The following CORO2B variants were observed in gnomAD, a reference collection of about 807,000 sequenced individuals.
The protein encoded by CORO2B is coronin 2B.
A neutral mutation model predicts 58.8 loss-of-function variants in CORO2B; 26 were observed. The ratio of observed to expected loss-of-function variants is 0.44; its 90% CI spans 0.32 to 0.61. The LOEUF (loss-of-function observed/expected upper bound fraction) is 0.61, where lower values mean the gene tolerates loss of function less well. Among genes scored for constraint, CORO2B ranks in the 20% least tolerant of loss-of-function variants. The probability of loss-of-function intolerance (pLI) is 0.04; values close to 1 mark genes in which losing one functional copy is unlikely to be tolerated. For missense variants in CORO2B, 460 were observed against 645.1 expected (o/e 0.71, Z 3.11); for synonymous variants, 242 against 253.8 (o/e 0.95, Z 0.44).
chr15:68,609,552 C>T (rs987902486), intron 1 of CORO2B, among the ~76,000 whole-genome samples: 2 of 152,122 alleles, frequency 1.3e-5, no homozygotes, highest in African/African-American at 4.8e-5. Context: ...AGGGGCCTTC[C>T]CTCCCGAATC....
intron 1 of CORO2B, among the ~76,000 whole-genome samples, chr15:68,608,538 G>A (rs879420600): frequency 6.6e-6 from 1 of 152,244 alleles, no homozygotes; most frequent in Non-Finnish European, 1.5e-5. Flanking sequence ...GTGCGTGTGT[G>A]TGTGTTGGGG....
intron 8 of CORO2B, 29 bp downstream of exon 8, chr15:68,715,340 G>A: frequency 1.3e-6 from 2 of 1,515,522 alleles, no homozygotes; most frequent in Non-Finnish European, 9.2e-7. Context: ...GCCACAGCTG[G>A]TGTGCTCATG....
chr15:68,721,758 A>ATT (rs1268609572), intron 11 of CORO2B, among the ~76,000 whole-genome samples: 1 of 144,578 alleles, frequency 6.9e-6, no homozygotes, highest in Non-Finnish European at 1.6e-5. Context: ...TTATTTATTT[A>ATT]TGTTTTAGAG....
intron 1 of CORO2B, among the ~76,000 whole-genome samples, chr15:68,582,114 C>T (rs1236575859): frequency 1.3e-5 from 2 of 152,200 alleles, no homozygotes; most frequent in Non-Finnish European, 2.9e-5. Context: ...CATACATCCC[C>T]TTGCCCCCTT....
chr15:68,531,555 G>GAAAGAAAGAGAAAGAAAGA, the CORO2B span, among the ~76,000 whole-genome samples: 106 of 77,812 alleles, frequency 1.4e-3, 1 homozygote, highest in East Asian at 6.8e-3. Flanking sequence ...AAGGAAGGAA[G>GAAAGAAAGAGAAAGAAAGA]GAAAGAAAGA....
intron 8 of CORO2B, among the ~76,000 whole-genome samples, chr15:68,715,600 T>C (rs1023362564): frequency 6.6e-6 from 1 of 152,192 alleles, no homozygotes; most frequent in African/African-American, 2.4e-5. Context: ...ACAGTGGCTA[T>C]GATGATGGTG....
chr15:68,579,062 G>GCGACGAGCGGCGGGCGAGCGC lies in CORO2B; in HGVS notation c.-190_-170dup. 1.0e-6 allele frequency: 1 copy of GCGACGAGCGGCGGGCGAGCGC among 983,936 alleles called. No individual in the cohort carries two copies. 61.0% of individuals were successfully genotyped at this position (983,936 alleles called of 1,614,324 possible). A position where few individuals can be genotyped will look rare whatever the true frequency, so the allele number is the denominator to read the frequency against. On this transcript the variant is annotated 5_prime_UTR_variant, in exon 1 of 12. Coordinates refer to ENST00000261861, the MANE Select transcript of CORO2B (RefSeq NM_006091.5). ...AAATGCACATTCGGGGCTGACATCA[G>GCGACGAGCGGCGGGCGAGCGC]CGACGAGCGGCGGGCGAGCGCCGAC...
chr15:68,596,883 C>A (rs759086954), intron 1 of CORO2B, among the ~76,000 whole-genome samples: 14 of 152,174 alleles, frequency 9.2e-5, no homozygotes, highest in Non-Finnish European at 1.5e-4. Context: ...CCCAGCCACT[C>A]TGGCCTCCTG....
At chr15:68,538,883 A>G in the CORO2B span, among the ~76,000 whole-genome samples, 1 of 152,154 alleles carries the variant, frequency 6.6e-6, no homozygotes, top group African/African-American at 2.4e-5. Context: ...AGGGAAGGAG[A>G]TATGGCCAGG....
At chr15:68,632,313 T>C (rs1900862021) in intron 1 of CORO2B, 1 of 985,476 alleles carries the variant, frequency 1.0e-6, no homozygotes, top group African/African-American at 1.7e-5. Context: ...CTCTGAAGCT[T>C]GTCTGGTGTC....
chr15:68,706,413 CTCAA>C (rs1892786929), intron 3 of CORO2B, among the ~76,000 whole-genome samples: 1 of 152,006 alleles, frequency 6.6e-6, no homozygotes, highest in Non-Finnish European at 1.5e-5. Context: ...CTTAGTGCTA[CTCAA>C]GAGCAGGCAT....
intron 1 of CORO2B, among the ~76,000 whole-genome samples, chr15:68,627,494 G>A (rs1047020923): frequency 1.3e-5 from 2 of 152,186 alleles, no homozygotes; most frequent in Middle Eastern, 3.4e-3. Flanking sequence ...AGAAGAGGGC[G>A]GGCATCTCTT....
chr15:68,531,518 AGG>A, the CORO2B span, among the ~76,000 whole-genome samples: 1 of 37,024 alleles, frequency 2.7e-5, no homozygotes, highest in African/African-American at 5.7e-5. Flanking sequence ...GAAGGAAGGA[AGG>A]AAGGAAGGAA....
intron 2 of CORO2B, among the ~76,000 whole-genome samples, chr15:68,677,334 G>T (rs888242066): frequency 6.6e-6 from 1 of 152,154 alleles, no homozygotes; most frequent in Non-Finnish European, 1.5e-5. Context: ...AGGTCACCCC[G>T]CACAAAGCCC....
the CORO2B span, among the ~76,000 whole-genome samples, chr15:68,529,179 T>C: frequency 6.6e-6 from 1 of 152,190 alleles, no homozygotes; most frequent in East Asian, 1.9e-4. Context: ...TGACTCTCTG[T>C]GGGTACATTC....
At chr15:68,591,663 G>A (rs879433270) in intron 1 of CORO2B, among the ~76,000 whole-genome samples, 14 of 152,186 alleles carry the variant, frequency 9.2e-5, no homozygotes, top group Non-Finnish European at 1.6e-4. Flanking sequence ...CAGACCTCCT[G>A]AAGGTCTCTC....
the CORO2B span, among the ~76,000 whole-genome samples, chr15:68,567,741 G>T: frequency 6.6e-6 from 1 of 152,228 alleles, no homozygotes; most frequent in African/African-American, 2.4e-5. Flanking sequence ...GCTGTGAAAG[G>T]CTGGGCACGG....
chr15:68,703,916 A>G (rs951860255), intron 3 of CORO2B, among the ~76,000 whole-genome samples: 7 of 152,058 alleles, frequency 4.6e-5, no homozygotes, highest in African/African-American at 1.4e-4. Flanking sequence ...TAACTTGGCC[A>G]GGCTCGGTGG....
intron 7 of CORO2B, 118 bp from the exon 8 acceptor site, chr15:68,715,096 GT>G (rs1327057590): frequency 1.2e-5 from 11 of 914,508 alleles, no homozygotes; most frequent in East Asian, 4.8e-5. Context: ...GGTTTCCTTG[GT>G]TTTTTTAACT....
Sources: allele counts gnomAD v4.1 joint callset (sites outside exome capture counted in the v4.1 genomes callset), GRCh38; gene constraint gnomAD v4.1.1; transcripts MANE v1.5; gene names NCBI Gene and HGNC (gene_info 2026-07-23, HGNC 2026-07-21).